SCAI: variants seen among roughly 807,000 people sequenced by gnomAD.
The protein encoded by SCAI is protein SCAI.
A neutral mutation model predicts 92.2 loss-of-function variants in SCAI; 24 were observed. The ratio of observed to expected loss-of-function variants is 0.26; its 90% CI spans 0.19 to 0.37. The LOEUF is 0.37. Among genes scored for constraint, SCAI ranks in the 10% least tolerant of loss-of-function variants. The pLI, the probability that SCAI is intolerant of heterozygous loss-of-function variation, is 1.00. For missense variants in SCAI, 450 were observed against 736.2 expected, an observed-to-expected ratio of 0.61 and a Z score of 4.50; for synonymous variants, 261 against 258.6, an observed-to-expected ratio of 1.01 and a Z score of -0.09.
intron 14 of SCAI, among the ~76,000 whole-genome samples, chr9:124,994,414 A>T (rs939234596): frequency 1.3e-5 from 2 of 152,152 alleles, no homozygotes; most frequent in South Asian, 2.1e-4. Flanking sequence ...TTCAAGTTAG[A>T]TCCCTGTCAC....
At chr9:125,013,489 G>A (rs1183614372) in intron 9 of SCAI, among the ~76,000 whole-genome samples, 1 of 152,120 alleles carries the variant, frequency 6.6e-6, no homozygotes, top group African/African-American at 2.4e-5. Flanking sequence ...GGAAGAAGTT[G>A]AATCTCTGAA....
At position 125,106,096 on chromosome 9, in the gene SCAI, C is replaced by CACAAAAAAAAA. The variant is rs1299930738; in HGVS notation, c.98+36536_98+36537insTTTTTTTTTGT. Among the ~76,000 whole-genome samples, 6 of 18,778 alleles carry CACAAAAAAAAA rather than the reference C, an allele frequency of 3.2e-4. 2 individuals carry two copies. Among genetic ancestry groups the CACAAAAAAAAA allele is most frequent in the East Asian group, 4.9e-3 (1 of 206 alleles). The allele number at this position is 18,778 out of a possible 152,430, so 12.3% of individuals were successfully genotyped here. A position where few individuals can be genotyped will look rare whatever the true frequency, so the allele number is the denominator to read the frequency against. On this transcript the variant is annotated intron_variant, in intron 2 of 17. Transcript: ENST00000336505. ...TGCGTGACAGAGTGAGACTCCATCT[C>CACAAAAAAAAA]AAAAAAAAAAAAAAAAAAAAAAAAA...
chr9:125,123,753 C>A (rs188332126), intron 2 of SCAI, among the ~76,000 whole-genome samples: 1 of 151,838 alleles, frequency 6.6e-6, no homozygotes, highest in Non-Finnish European at 1.5e-5. Context: ...CCAGCCTGGG[C>A]GAGAGTGAGA....
intron 2 of SCAI, among the ~76,000 whole-genome samples, chr9:125,075,699 G>A (rs1379956815): frequency 1.3e-5 from 2 of 152,020 alleles, no homozygotes; most frequent in Admixed American, 6.6e-5. Context: ...CCAAGTAGCT[G>A]GGATTACAGG....
At chr9:125,001,380 A>G (rs886334965) in intron 12 of SCAI, among the ~76,000 whole-genome samples, 30 of 152,200 alleles carry the variant, frequency 2.0e-4, no homozygotes, top group Admixed American at 2.0e-3. Context: ...ATTCTGACCA[A>G]TTTCTGGACT....
At chr9:124,972,095 CAATT>C (rs1208977002) in intron 15 of SCAI, among the ~76,000 whole-genome samples, 2 of 152,106 alleles carry the variant, frequency 1.3e-5, no homozygotes, top group Admixed American at 6.5e-5. Flanking sequence ...TTTTTGCTCT[CAATT>C]AACAAATTTC....
Position 125,046,273 on chromosome 9 carries a change from A to G in SCAI, c.230+9603T>C, listed in dbSNP as rs566833326. 5.1e-5 allele frequency among the ~76,000 whole-genome samples: 6 copies of G among 116,820 alleles called. No individual in the cohort carries two copies. In the East Asian group the frequency reaches 1.6e-3, roughly 32 times the overall value. The allele number at this position is 116,820 out of a possible 152,430, so 76.6% of individuals were successfully genotyped here. A position where few individuals can be genotyped will look rare whatever the true frequency, so the allele number is the denominator to read the frequency against. On this transcript the variant is annotated intron_variant, in intron 3 of 17. Transcript: ENST00000336505. ...TATATACACATATATACACACACAC[A>G]TATATATATTTCATTCCTTTTATGG...
At chr9:125,116,107 C>T (rs867868078) in intron 2 of SCAI, among the ~76,000 whole-genome samples, 1 of 152,076 alleles carries the variant, frequency 6.6e-6, no homozygotes, top group Non-Finnish European at 1.5e-5. Context: ...ATCGCTTGAA[C>T]CTGGGAGGCG....
chr9:125,060,685 G>C (rs1003489203), intron 2 of SCAI, among the ~76,000 whole-genome samples: 1 of 152,122 alleles, frequency 6.6e-6, no homozygotes, highest in Non-Finnish European at 1.5e-5. Flanking sequence ...GTCCGCTTTT[G>C]CTTCCTCCTC....
chr9:125,043,185 G>A (rs1234402732), intron 3 of SCAI, among the ~76,000 whole-genome samples: 1 of 152,028 alleles, frequency 6.6e-6, no homozygotes, highest in Non-Finnish European at 1.5e-5. Context: ...TGGCTCTTAG[G>A]ATGCTGCTGA....
chr9:124,955,099 C>T (rs1284058836), intron 17 of SCAI, among the ~76,000 whole-genome samples: 4 of 148,728 alleles, frequency 2.7e-5, no homozygotes, highest in African/African-American at 5.0e-5. Context: ...GCCCAAGAGG[C>T]GGAGGTTGCA....
intron 3 of SCAI, among the ~76,000 whole-genome samples, chr9:125,039,203 G>A (rs755643120): frequency 4.4e-4 from 67 of 151,996 alleles, no homozygotes; most frequent in Non-Finnish European, 7.8e-4. Context: ...TGGCCAACAT[G>A]GTGAAACTCC....
At chr9:125,110,199 C>G (rs1338281145) in intron 2 of SCAI, among the ~76,000 whole-genome samples, 2 of 152,136 alleles carry the variant, frequency 1.3e-5, no homozygotes, top group African/African-American at 4.8e-5. Context: ...AGATGTATGA[C>G]CTTGAACAGA....
At chr9:125,084,114 G>A (rs113423579) in intron 2 of SCAI, among the ~76,000 whole-genome samples, 3,332 of 136,310 alleles carry the variant, frequency 0.024, 133 homozygotes, top group African/African-American at 0.085. Flanking sequence ...TTTTAACCCA[G>A]CCCCTCACAA....
intron 13 of SCAI, among the ~76,000 whole-genome samples, chr9:124,998,552 G>T (rs929989290): frequency 6.6e-6 from 1 of 152,212 alleles, no homozygotes; most frequent in African/African-American, 2.4e-5. Context: ...ATTACAGCTA[G>T]ATAGAAGGAA....
chr9:125,016,177 T>TAATAAAATAA (rs71374218), intron 9 of SCAI, among the ~76,000 whole-genome samples: 7 of 79,236 alleles, frequency 8.8e-5, no homozygotes, highest in African/African-American at 2.7e-4. Context: ...ACTTAAAGTA[T>TAATAAAATAA]AATAAAATAA....
At chr9:125,007,480 G>A (rs1273366917) in intron 9 of SCAI, among the ~76,000 whole-genome samples, 1 of 152,094 alleles carries the variant, frequency 6.6e-6, no homozygotes, top group Non-Finnish European at 1.5e-5. Flanking sequence ...CTTGAGGCCA[G>A]GAGTTTGAGA....
At chr9:125,034,519 C>G (rs926315886) in intron 3 of SCAI, among the ~76,000 whole-genome samples, 3 of 151,900 alleles carry the variant, frequency 2.0e-5, no homozygotes, top group African/African-American at 7.3e-5. Flanking sequence ...GTAGACAGCT[C>G]GAGCCCAGGA....
At chr9:124,966,057 A>T (rs975172677) in intron 17 of SCAI, among the ~76,000 whole-genome samples, 8 of 152,352 alleles carry the variant, frequency 5.3e-5, no homozygotes, top group African/African-American at 1.9e-4. Flanking sequence ...TACAGTAGGC[A>T]CTACAGTGAT....
Sources: allele counts gnomAD v4.1 joint callset (sites outside exome capture counted in the v4.1 genomes callset), GRCh38; gene constraint gnomAD v4.1.1; transcripts MANE v1.5; gene names NCBI Gene and HGNC (gene_info 2026-07-23, HGNC 2026-07-21).